ENPP3: variants seen among roughly 807,000 people sequenced by gnomAD.
ENPP3 encodes the protein ectonucleotide pyrophosphatase/phosphodiesterase 3.
ENPP3 carries 104 observed loss-of-function variants against 117.8 expected under a neutral mutation model. The observed-to-expected ratio is 0.88, with a 90% CI of 0.75 to 1.04. The LOEUF (loss-of-function observed/expected upper bound fraction) is 1.04, where lower values mean the gene tolerates loss of function less well. ENPP3 is among the 50% of genes least tolerant of loss of function. The pLI is 0.00. For synonymous variants in ENPP3, 380 were observed against 349.9 expected (o/e 1.09, Z -0.96); for missense variants, 1,026 against 1,051.9 (o/e 0.98, Z 0.34).
chr6:131,737,576 G>A, intron 22 of ENPP3, 144 bp downstream of exon 22: 1 of 537,418 alleles, frequency 1.9e-6, no homozygotes, highest in Non-Finnish European at 3.3e-6. Flanking sequence ...GGTATAGGAA[G>A]GATCCCTCAC....
chr6:131,740,425 G>T (rs746887546), intron 24 of ENPP3, 45 bp downstream of exon 24: 2 of 1,394,036 alleles, frequency 1.4e-6, no homozygotes, highest in South Asian at 1.7e-5. Flanking sequence ...AAATGAGTCA[G>T]AGCTCATTTG....
intron 15 of ENPP3, among the ~76,000 whole-genome samples, chr6:131,694,758 C>T (rs553653246): frequency 2.8e-4 from 43 of 151,362 alleles, no homozygotes; most frequent in Non-Finnish European, 4.6e-4. Flanking sequence ...TGCTTGAACC[C>T]GGGAGGCGGA....
At position 131,674,205 on chromosome 6, in the gene ENPP3, A is replaced by G; in HGVS notation, c.686A>G (p.Tyr229Cys). Residue 229 changes from tyrosine to cysteine, a missense_variant, in exon 8 of 25, where the codon TAT (tyrosine) becomes TGT (cysteine). Tyr to Cys is a radical substitution (Grantham distance 194). Coordinates refer to ENST00000357639, the MANE Select transcript of ENPP3 (RefSeq NM_005021.5). ...CATGGCATCATTGACAATAATATGT[A>G]TGATGTAAATCTCAACAAGAATTTT... ...ESHGIIDNNM[Y>C]DVNLNKNFSL... The G allele has an allele frequency of 6.3e-7, 1 of 1,588,644 alleles. No homozygotes were observed. Among genetic ancestry groups the G allele is most frequent in the Non-Finnish European group, 8.6e-7 (1 of 1,157,462 alleles).
At chr6:131,664,473 C>A (rs1778574103) in intron 6 of ENPP3, among the ~76,000 whole-genome samples, 1 of 151,984 alleles carries the variant, frequency 6.6e-6, no homozygotes, top group African/African-American at 2.4e-5. Flanking sequence ...TTACAGTAAG[C>A]TAAGGTTAAT....
chr6:131,745,714 C>T (rs978304315), intron 24 of ENPP3, among the ~76,000 whole-genome samples: 3 of 152,160 alleles, frequency 2.0e-5, no homozygotes, highest in Non-Finnish European at 4.4e-5. Flanking sequence ...TTTACACCCA[C>T]GGTTTGGCAA....
chr6:131,692,814 GATATATGATATGATATGT>G (rs922496279), intron 14 of ENPP3, among the ~76,000 whole-genome samples: 6 of 141,526 alleles, frequency 4.2e-5, no homozygotes, highest in Non-Finnish European at 7.5e-5. Flanking sequence ...TATGATATAT[GATATATGATATGATATGT>G]ATATATGATA....
At chr6:131,639,633 G>A (rs902208594) in intron 1 of ENPP3, among the ~76,000 whole-genome samples, 4 of 152,028 alleles carry the variant, frequency 2.6e-5, no homozygotes, top group African/African-American at 9.7e-5. Context: ...TAAACATTTT[G>A]AAGGTATCTG....
intron 2 of ENPP3, 72 bp downstream of exon 2, chr6:131,641,602 T>C (rs1562422734): frequency 1.0e-6 from 1 of 961,594 alleles, no homozygotes; most frequent in South Asian, 1.3e-5. Context: ...CATTAAAATG[T>C]ATCTCCCATC....
intron 11 of ENPP3, among the ~76,000 whole-genome samples, chr6:131,679,017 CCT>C (rs1778951452): frequency 6.2e-5 from 6 of 96,214 alleles, no homozygotes; most frequent in African/African-American, 2.7e-4. Context: ...TTCCTTCCTT[CCT>C]TCCTTCCTTC....
At chr6:131,690,295 C>A (rs1269527632) in intron 14 of ENPP3, among the ~76,000 whole-genome samples, 1 of 152,130 alleles carries the variant, frequency 6.6e-6, no homozygotes, top group Non-Finnish European at 1.5e-5. Flanking sequence ...ATGCAGCCAC[C>A]TTCATTTCTG....
chr6:131,652,086 A>G (rs961516019), intron 3 of ENPP3, among the ~76,000 whole-genome samples: 2 of 152,180 alleles, frequency 1.3e-5, no homozygotes, highest in Non-Finnish European at 2.9e-5. Flanking sequence ...GTCACTTTCC[A>G]CTGAGAAGTA....
At chr6:131,663,155 C>CTT (rs1285590546) in intron 6 of ENPP3, among the ~76,000 whole-genome samples, 12 of 141,732 alleles carry the variant, frequency 8.5e-5, no homozygotes, top group African/African-American at 2.6e-4. Context: ...ATGTGGTTGC[C>CTT]TTTTTTTTTT....
chr6:131,645,746 A>G (rs564336595), intron 2 of ENPP3, among the ~76,000 whole-genome samples: 2 of 152,264 alleles, frequency 1.3e-5, no homozygotes, highest in African/African-American at 4.8e-5. Flanking sequence ...TATAGTATCC[A>G]GAGTTGCTTT....
intron 11 of ENPP3, among the ~76,000 whole-genome samples, chr6:131,681,891 G>A (rs1039003953): frequency 6.6e-6 from 1 of 152,166 alleles, no homozygotes; most frequent in Non-Finnish European, 1.5e-5. Context: ...CCAGACTGGA[G>A]TGAAGTGGTG....
chr6:131,656,204 A>T (rs1778381307), intron 5 of ENPP3, among the ~76,000 whole-genome samples: 2 of 152,192 alleles, frequency 1.3e-5, no homozygotes, highest in South Asian at 2.1e-4. Context: ...TGGTGAAATA[A>T]TAGATCTGAG....
chr6:131,709,462 GA>G, intron 15 of ENPP3: 1 of 1,604,808 alleles, frequency 6.2e-7, no homozygotes, highest in African/African-American at 1.4e-5. Flanking sequence ...ACTACATGGG[GA>G]ATGCTCTCTG....
At chr6:131,696,547 G>C (rs993340724) in intron 15 of ENPP3, among the ~76,000 whole-genome samples, 5 of 152,300 alleles carry the variant, frequency 3.3e-5, no homozygotes, top group African/African-American at 9.6e-5. Context: ...GTTGTACAGT[G>C]GCATCCTGCC....
chr6:131,734,899 CA>C (rs59698316), intron 21 of ENPP3, among the ~76,000 whole-genome samples: 16,072 of 82,558 alleles, frequency 0.19, 1,014 homozygotes, highest in East Asian at 0.41. Flanking sequence ...GACTCTGTCT[CA>C]AAAAAAAAAA....
Position 131,674,276 on chromosome 6 carries a change from C to G in ENPP3, c.757C>G (p.Gln253Glu), listed in dbSNP as rs1347607538. Residue 253 changes from glutamine (Q) to glutamate (E), a missense_variant, in exon 8 of 25, where the codon CAA (glutamine) becomes GAA (glutamate). Transcript: ENST00000357639. ...AAATAATCCAGCCTGGTGGCATGGG[C>G]AACCAGTATGTAGCATTCTACACGT... ...EQNNPAWWHG[Q>E]PMWLTAMYQG... 1.9e-6 allele frequency: 3 copies of G among 1,613,656 alleles called. No individual in the cohort carries two copies. The highest frequency in any genetic ancestry group is 2.5e-6 in the Non-Finnish European group (3 of 1,179,692).
Sources: gnomAD v4.1 joint callset for allele counts (sites outside exome capture counted in the v4.1 genomes callset) on GRCh38, gnomAD v4.1.1 for gene constraint, MANE v1.5 for transcripts, NCBI Gene and HGNC (gene_info 2026-07-23, HGNC 2026-07-21) for gene names.